SLCO1B3: variants seen among roughly 807,000 people sequenced by gnomAD.
SLCO1B3 encodes liver-specific organic anion transporter 2.
In SLCO1B3, 72 loss-of-function variants were observed where a neutral mutation model predicts 71.8. The ratio of observed to expected loss-of-function variants is 1.00; its 90% CI spans 0.83 to 1.22. SLCO1B3 has a LOEUF of 1.22. SLCO1B3 is among the 50% of genes most tolerant of loss of function. SLCO1B3 has a pLI of 0.00. For synonymous variants in SLCO1B3, 298 were observed against 278.4 expected, an observed-to-expected ratio of 1.07 and a Z score of -0.70; for missense variants, 911 against 819.7, an observed-to-expected ratio of 1.11 and a Z score of -1.36.
chr12:20,832,269 TGTATAAAAGCCCAAGTAGATTA>T (rs1864557817), intron 3 of SLCO1B3, among the ~76,000 whole-genome samples: 1 of 152,174 alleles, frequency 6.6e-6, no homozygotes, highest in South Asian at 2.1e-4. Flanking sequence ...TGGATGGAAA[TGTATAAAAGCCCAAGTAGATTA>T]CAAACCCATT....
intron 3 of SLCO1B3, among the ~76,000 whole-genome samples, chr12:20,836,607 G>A (rs1008365984): frequency 6.6e-6 from 1 of 152,056 alleles, no homozygotes; most frequent in Non-Finnish European, 1.5e-5. Context: ...TAATTCACCA[G>A]TGAAACTATC....
In SLCO1B3 at chr12:20,877,865, C is replaced by A; in HGVS notation, c.1064C>A (p.Ser355Tyr). The change falls in exon 10 of 16, where the codon TCT (serine) becomes TAT (tyrosine). Residue 355 changes from serine to tyrosine, a missense_variant. Physicochemically the swap from Ser to Tyr is moderately radical, Grantham distance 144 (BLOSUM62 -2). Transcript: ENST00000381545. ...TTACAAGTAAGCAGCTTTATTGGTT[C>A]TTTTACTTACGTCTTTAAATATATG... is the stretch of plus-strand genomic sequence containing the variant. Reference protein sequence around the residue: ...TLLQVSSFIGSFTYVFKYMEQ... With the variant: ...TLLQVSSFIGYFTYVFKYMEQ... 3 of 1,589,112 alleles carry A rather than the reference C, an allele frequency of 1.9e-6. No individual in the cohort carries two copies. The highest frequency in any genetic ancestry group is 1.2e-5 in the South Asian group (1 of 86,644).
intron 3 of SLCO1B3, among the ~76,000 whole-genome samples, chr12:20,833,507 CTATG>C (rs1357368539): frequency 6.8e-6 from 1 of 147,856 alleles, no homozygotes; most frequent in African/African-American, 2.5e-5. Context: ...CATATGTTTA[CTATG>C]TATGTATATA....
chr12:20,881,903 A>G lies in SLCO1B3; in HGVS notation c.1497+883A>G, dbSNP rs201469312. On this transcript the variant is annotated intron_variant, in intron 12 of 15. Coordinates refer to ENST00000381545, the MANE Select transcript of SLCO1B3 (RefSeq NM_019844.4). ...CATGCTTCAATTCTAAACATTTTCT[A>G]TCTTTCCCTTGCCCAATATCCTACC... Among the ~76,000 whole-genome samples, 12 of 152,276 alleles carry G rather than the reference A, an allele frequency of 7.9e-5. No homozygotes were observed. In the East Asian group the frequency reaches 2.1e-3, roughly 27 times the overall value.
intron 3 of SLCO1B3, among the ~76,000 whole-genome samples, chr12:20,820,997 T>C (rs1864292465): frequency 3.3e-5 from 5 of 151,892 alleles, no homozygotes; most frequent in African/African-American, 1.2e-4. Flanking sequence ...AAAAAGTTTA[T>C]AGGGTGGAGG....
intron 10 of SLCO1B3, among the ~76,000 whole-genome samples, chr12:20,878,228 A>G (rs1005228321): frequency 6.6e-6 from 1 of 152,118 alleles, no homozygotes; most frequent in Non-Finnish European, 1.5e-5. Flanking sequence ...TAGTATCTGC[A>G]TAATTGGATC....
chr12:20,894,228 C>T (rs1865956985), intron 13 of SLCO1B3, among the ~76,000 whole-genome samples: 1 of 152,116 alleles, frequency 6.6e-6, no homozygotes, highest in Non-Finnish European at 1.5e-5. Flanking sequence ...GAGAGAGGTG[C>T]CAGCTGCTCA....
At chr12:20,879,738 A>C in intron 11 of SLCO1B3, 107 bp downstream of exon 11, 1 of 740,020 alleles carries the variant, frequency 1.4e-6, no homozygotes, top group East Asian at 3.2e-5. Context: ...ACTTTATTTT[A>C]ATTGAGAGAA....
rs184787412 is a variant in SLCO1B3 at position 20,915,767 on chromosome 12, C to T, written c.1866-237C>T. On this transcript the variant is annotated intron_variant, in intron 15 of 15. Coordinates refer to ENST00000381545, the MANE Select transcript of SLCO1B3 (RefSeq NM_019844.4). ...GGGCTGGAGTTATGTATTTTCCTCCCTCCCAAAGGAAGGCTAGAGACAGCT... is the reference window on the plus strand; with the variant it reads ...GGGCTGGAGTTATGTATTTTCCTCCTTCCCAAAGGAAGGCTAGAGACAGCT... Among the ~76,000 whole-genome samples, 3 of 152,172 alleles carry T rather than the reference C, an allele frequency of 2.0e-5. No individual in the cohort carries two copies. In the East Asian group the frequency reaches 5.8e-4, roughly 29 times the overall value.
rs559794653 is a variant in SLCO1B3 at position 20,820,280 on chromosome 12, C to T, written c.84+4458C>T. Among the ~76,000 whole-genome samples, 24 of 152,242 alleles carry T rather than the reference C, an allele frequency of 1.6e-4. No individual in the cohort carries two copies. In the South Asian group the frequency reaches 2.1e-3, roughly 13 times the overall value. On this transcript the variant is annotated intron_variant, in intron 3 of 15. Transcript: ENST00000381545. ...TGATCAGGCAGCATCAGTCTTCAGC[C>T]GCTACGCCAAGAAGGAGTCAGTCAG... is the stretch of plus-strand genomic sequence containing the variant.
chr12:20,836,829 G>A (rs1350943403), intron 3 of SLCO1B3, among the ~76,000 whole-genome samples: 2 of 152,112 alleles, frequency 1.3e-5, no homozygotes, highest in Admixed American at 6.5e-5. Flanking sequence ...TTTTACTAGA[G>A]ATGGGGTTTC....
chr12:20,880,933 G>A lies in SLCO1B3; in HGVS notation c.1410G>A (p.Trp470Ter), dbSNP rs1865681305. 1.2e-6 allele frequency: 2 copies of A among 1,611,540 alleles called. No homozygotes were observed. Among genetic ancestry groups the A allele is most frequent in the African/African-American group, 2.7e-5 (2 of 74,798 alleles). ...NSECNCDESQ[W>*]EPVCGNNGIT... ...AGTGCAATTGTGATGAAAGTCAGTG[G>A]GAACCAGTCTGTGGGAACAATGGAA... Residue 470 changes from tryptophan (W) to a stop codon, truncating the protein, a stop_gained, in exon 12 of 16, where the codon TGG (tryptophan) becomes TGA (stop). Transcript: ENST00000381545. LOFTEE classifies it high-confidence loss of function.
rs144027469 is a variant in SLCO1B3 at position 20,812,556 on chromosome 12, T to C, written c.-180-968T>C. On this transcript the variant is annotated intron_variant, in intron 1 of 15. Coordinates refer to ENST00000381545, the MANE Select transcript of SLCO1B3 (RefSeq NM_019844.4). ...TCTGTTGGGACAGTGGTTCCATACA[T>C]CTGCAAGTGCTTATGGTTGTATTGG... Among the ~76,000 whole-genome samples the C allele has an allele frequency of 7.2e-3, 1,104 of 152,310 alleles. 12 individuals carry two copies. The highest frequency in any genetic ancestry group is 0.026 in the African/African-American group (1,062 of 41,562).
At chr12:20,822,606 A>T (rs1864337258) in intron 3 of SLCO1B3, among the ~76,000 whole-genome samples, 1 of 152,176 alleles carries the variant, frequency 6.6e-6, no homozygotes, top group Admixed American at 6.5e-5. Context: ...GCTTGGGCTC[A>T]GAGACCTGAC....
intron 8 of SLCO1B3, among the ~76,000 whole-genome samples, chr12:20,868,316 ATTGTCAACTG>A (rs1271562384): frequency 6.6e-6 from 1 of 152,174 alleles, no homozygotes; most frequent in African/African-American, 2.4e-5. Flanking sequence ...TTACAGACAG[ATTGTCAACTG>A]TTTGGGGGGT....
intron 4 of SLCO1B3, 81 bp downstream of exon 4, chr12:20,855,250 G>A: frequency 8.3e-7 from 1 of 1,207,930 alleles, no homozygotes; most frequent in Non-Finnish European, 1.2e-6. Context: ...TATATCACTG[G>A]GTCTGGACTA....
intron 13 of SLCO1B3, among the ~76,000 whole-genome samples, chr12:20,896,136 G>A (rs1375865332): frequency 1.3e-5 from 2 of 152,164 alleles, no homozygotes; most frequent in African/African-American, 2.4e-5. Context: ...GGCCTTTGAC[G>A]GGAGGGGCTA....
chr12:20,914,495 A>T (rs774977376), intron 15 of SLCO1B3, among the ~76,000 whole-genome samples: 3 of 152,082 alleles, frequency 2.0e-5, no homozygotes, highest in Non-Finnish European at 1.5e-5. Flanking sequence ...ATAAGCATGT[A>T]TATTATATAT....
intron 3 of SLCO1B3, among the ~76,000 whole-genome samples, chr12:20,821,477 C>G (rs1056986529): frequency 6.6e-6 from 1 of 152,072 alleles, no homozygotes; most frequent in African/African-American, 2.4e-5. Context: ...GTGAAGGAGG[C>G]AAGCCCAGAG....
Sources: allele counts gnomAD v4.1 joint callset (sites outside exome capture counted in the v4.1 genomes callset), GRCh38; gene constraint gnomAD v4.1.1; transcripts MANE v1.5; gene names NCBI Gene and HGNC (gene_info 2026-07-23, HGNC 2026-07-21).